The following PLEKHA7 variants were observed in gnomAD, a reference collection of about 807,000 sequenced individuals.
PLEKHA7 encodes pleckstrin homology domain containing A7.
In PLEKHA7, 104 loss-of-function variants were observed where a neutral mutation model predicts 170.0. That is an observed-to-expected ratio of 0.61 (90% CI 0.52 to 0.72). PLEKHA7 has a LOEUF of 0.72. Ranked by LOEUF, PLEKHA7 falls within the 30% of genes least tolerant of loss-of-function variation. The pLI, the probability that PLEKHA7 is intolerant of heterozygous loss-of-function variation, is 0.00. For synonymous variants in PLEKHA7, 648 were observed against 660.8 expected, an observed-to-expected ratio of 0.98 and a Z score of 0.30; for missense variants, 1,615 against 1,671.7, an observed-to-expected ratio of 0.97 and a Z score of 0.59.
In PLEKHA7 at chr11:16,826,492, C is replaced by A. The variant is rs1850659450; in HGVS notation, c.971G>T (p.Cys324Phe). 6.2e-7 allele frequency: 1 copy of A among 1,614,254 alleles called. No homozygotes were observed. Residue 324 changes from cysteine to phenylalanine, a missense_variant, in exon 10 of 27, where the codon TGT (cysteine) becomes TTT (phenylalanine). Physicochemically the swap from Cys to Phe is radical, Grantham distance 205. Transcript: ENST00000531066. ...AATGTCATCATGGCCACGATGAGGA[C>A]AATCTCTCGTATGTCCGGGTCCCAC... ...GRVGPGHTRD[C>F]PHRGHDDIVN...
At chr11:16,965,075 G>A (rs531966845) in intron 3 of PLEKHA7, among the ~76,000 whole-genome samples, 98 of 151,894 alleles carry the variant, frequency 6.5e-4, no homozygotes, top group African/African-American at 2.3e-3. Flanking sequence ...TTGGGTGGCC[G>A]AGGCAGGCAA....
intron 11 of PLEKHA7, among the ~76,000 whole-genome samples, chr11:16,816,487 C>A (rs531176477): frequency 2.0e-5 from 3 of 152,338 alleles, no homozygotes; most frequent in Admixed American, 2.0e-4. Flanking sequence ...ACACAGATGT[C>A]TTTTCCTGCC....
intron 3 of PLEKHA7, among the ~76,000 whole-genome samples, chr11:16,905,223 A>G (rs1857578584): frequency 6.6e-6 from 1 of 152,178 alleles, no homozygotes; most frequent in South Asian, 2.1e-4. Flanking sequence ...CTGCACTCCA[A>G]CCTGGGTGTC....
At chr11:16,810,941 A>G (rs540824546) in intron 13 of PLEKHA7, among the ~76,000 whole-genome samples, 1 of 152,270 alleles carries the variant, frequency 6.6e-6, no homozygotes, top group South Asian at 2.1e-4. Flanking sequence ...TGATACCACC[A>G]CTTCCCTTAC....
At position 16,892,432 on chromosome 11, in the gene PLEKHA7, G is replaced by GTGTTT. The variant is rs199820686; in HGVS notation, c.222-21255_222-21251dup. On this transcript the variant is annotated intron_variant, in intron 3 of 26. Transcript: ENST00000531066. ...TGTGTGTGTGTGTGTGTGTGTGTGT[G>GTGTTT]TGTTTTGTTTTGTTTTGTTTTGTTT... Among the ~76,000 whole-genome samples, 960 of 114,994 alleles carry GTGTTT rather than the reference G, an allele frequency of 8.3e-3. 8 individuals are homozygous for GTGTTT. The highest frequency in any genetic ancestry group is 0.032 in the African/African-American group (876 of 27,546). 75.4% of individuals were successfully genotyped at this position (114,994 alleles called of 152,430 possible). A position where few individuals can be genotyped will look rare whatever the true frequency, so the allele number is the denominator to read the frequency against.
chr11:16,873,037 T>C (rs1854991611), intron 3 of PLEKHA7, among the ~76,000 whole-genome samples: 1 of 152,194 alleles, frequency 6.6e-6, no homozygotes, highest in Non-Finnish European at 1.5e-5. Context: ...TTCAAATTTT[T>C]CCTTGGGTTA....
Position 16,953,879 on chromosome 11 carries a change from G to C in PLEKHA7, c.221+60110C>G, listed in dbSNP as rs989965551. Among the ~76,000 whole-genome samples the C allele has an allele frequency of 1.2e-4, 19 of 152,196 alleles. 1 individual carries two copies. The highest frequency in any genetic ancestry group is 1.5e-4 in the Non-Finnish European group (10 of 68,034). The stretch of plus-strand genomic sequence containing the variant: ...CTTTCACCTCTCCCTTAAGAAACTG[G>C]TAAGACAGGAATGTGACAAATGGCA... On this transcript the variant is annotated intron_variant, in intron 3 of 26. Transcript: ENST00000531066.
intron 4 of PLEKHA7, among the ~76,000 whole-genome samples, chr11:16,862,005 C>G (rs538622793): frequency 2.4e-4 from 36 of 152,252 alleles, no homozygotes; most frequent in African/African-American, 7.7e-4. Flanking sequence ...CTCCACACCC[C>G]CTCTTCTCAG....
At chr11:16,968,484 T>G (rs910311715) in intron 3 of PLEKHA7, among the ~76,000 whole-genome samples, 2 of 152,120 alleles carry the variant, frequency 1.3e-5, no homozygotes, top group Non-Finnish European at 2.9e-5. Flanking sequence ...CCTCCAGGGG[T>G]CCTCTGGATG....
intron 9 of PLEKHA7, among the ~76,000 whole-genome samples, chr11:16,831,767 G>T (rs139564558): frequency 6.6e-5 from 10 of 152,324 alleles, no homozygotes; most frequent in African/African-American, 1.4e-4. Flanking sequence ...GGATAACAGT[G>T]TCTCCTTGGG....
At position 16,812,690 on chromosome 11, in the gene PLEKHA7, G is replaced by A. The variant is rs117974777; in HGVS notation, c.2007+423C>T. On this transcript the variant is annotated intron_variant, in intron 13 of 26. Transcript: ENST00000531066. ...CTACCGGTGAGCCTCAAAGCCATGC[G>A]ATTCCATGTGGAGCCTGCTCCCCTA... 9.4e-3 allele frequency among the ~76,000 whole-genome samples: 1,425 copies of A among 152,258 alleles called. 69 individuals are homozygous for A. The East Asian group carries it at 0.097, about 10-fold the overall frequency.
intron 9 of PLEKHA7, among the ~76,000 whole-genome samples, chr11:16,826,910 C>T (rs933822066): frequency 4.6e-5 from 7 of 152,172 alleles, no homozygotes; most frequent in African/African-American, 2.4e-5. Context: ...GAGTTATTTT[C>T]GGCCAGTGGC....
Position 16,924,753 on chromosome 11 carries a change from AG to A in PLEKHA7, c.222-53572del, listed in dbSNP as rs1427608297. On this transcript the variant is annotated intron_variant, in intron 3 of 26. Transcript: ENST00000531066. ...TTGCCTTGCCAAAGCCAAAAAAGAAAGGGGGAGGCCTGCAACCCACCAATCT... is the reference window on the plus strand; with the variant it reads ...TTGCCTTGCCAAAGCCAAAAAAGAAAGGGGAGGCCTGCAACCCACCAATCT... Among the ~76,000 whole-genome samples the A allele has an allele frequency of 2.0e-5, 3 of 152,306 alleles. No individual in the cohort carries two copies. In the East Asian group the frequency reaches 5.8e-4, roughly 29 times the overall value.
At chr11:16,825,168 C>T (rs548543051) in intron 10 of PLEKHA7, among the ~76,000 whole-genome samples, 3 of 152,346 alleles carry the variant, frequency 2.0e-5, no homozygotes, top group South Asian at 2.1e-4. Context: ...GTTACAGCAA[C>T]GTACATATGC....
At chr11:16,827,560 A>G (rs1397017911) in intron 9 of PLEKHA7, among the ~76,000 whole-genome samples, 2 of 152,194 alleles carry the variant, frequency 1.3e-5, no homozygotes, top group Non-Finnish European at 1.5e-5. Flanking sequence ...CTGAGGCTAC[A>G]GGAGGAGCTT....
intron 15 of PLEKHA7, 129 bp from the exon 16 acceptor site, chr11:16,801,946 C>T: frequency 8.6e-7 from 1 of 1,166,350 alleles, no homozygotes; most frequent in Non-Finnish European, 1.2e-6. Context: ...GATGTGGGCC[C>T]ACAGTCGGGG....
intron 3 of PLEKHA7, among the ~76,000 whole-genome samples, chr11:16,951,372 T>C (rs1317259797): frequency 2.0e-5 from 3 of 152,134 alleles, no homozygotes; most frequent in Non-Finnish European, 2.9e-5. Context: ...ATGATGATGA[T>C]GACGAAGAAG....
intron 3 of PLEKHA7, among the ~76,000 whole-genome samples, chr11:17,002,277 G>A (rs529748301): frequency 2.0e-5 from 3 of 152,304 alleles, no homozygotes; most frequent in South Asian, 2.1e-4. Flanking sequence ...GGCAGTGCAC[G>A]CCTGTAGTCG....
chr11:16,937,912 T>G (rs563482144), intron 3 of PLEKHA7, among the ~76,000 whole-genome samples: 20 of 152,206 alleles, frequency 1.3e-4, no homozygotes, highest in African/African-American at 4.3e-4. Context: ...TCAGACGATG[T>G]TTTTCTTTTC....
Sources: allele counts gnomAD v4.1 joint callset (sites outside exome capture counted in the v4.1 genomes callset), GRCh38; gene constraint gnomAD v4.1.1; transcripts MANE v1.5; gene names NCBI Gene and HGNC (gene_info 2026-07-23, HGNC 2026-07-21).